Variants in SRGAP3 observed in about 807,000 individuals in gnomAD.
SRGAP3 encodes SLIT-ROBO Rho GTPase-activating protein 3.
A neutral mutation model predicts 121.1 loss-of-function variants in SRGAP3; 39 were observed. The ratio of observed to expected loss-of-function variants is 0.32; its 90% CI spans 0.25 to 0.42. The LOEUF (loss-of-function observed/expected upper bound fraction) is 0.42. SRGAP3 is among the 10% of genes least tolerant of loss of function. SRGAP3 has a pLI of 1.00. For missense variants in SRGAP3, 1,213 were observed against 1,470.6 expected (o/e 0.82, Z 2.86); for synonymous variants, 601 against 570.0 (o/e 1.05, Z -0.77).
At chr3:9,146,296 T>C (rs1186674460) in intron 1 of SRGAP3, among the ~76,000 whole-genome samples, 1 of 151,992 alleles carries the variant, frequency 6.6e-6, no homozygotes, top group Admixed American at 6.6e-5. Flanking sequence ...TGTAGTAGAG[T>C]TCACACACAG....
chr3:9,241,338 A>C (rs1444793348), intron 1 of SRGAP3, among the ~76,000 whole-genome samples: 1 of 152,218 alleles, frequency 6.6e-6, no homozygotes. Flanking sequence ...GAGTTTCTGG[A>C]AAGGAAATGT....
intron 2 of SRGAP3, among the ~76,000 whole-genome samples, chr3:9,118,562 G>A (rs1948887235): frequency 6.6e-6 from 1 of 152,192 alleles, no homozygotes; most frequent in Non-Finnish European, 1.5e-5. Context: ...CTGGTGAAGA[G>A]GAGGGAAGGC....
At chr3:9,317,030 C>T (rs754721226) in intron 3 of SRGAP3, among the ~76,000 whole-genome samples, 4 of 152,154 alleles carry the variant, frequency 2.6e-5, no homozygotes, top group Non-Finnish European at 5.9e-5. Flanking sequence ...CAAATCAAGG[C>T]TCACACCAAT....
chr3:9,039,174 G>C (rs1944907141), intron 10 of SRGAP3, among the ~76,000 whole-genome samples: 1 of 152,154 alleles, frequency 6.6e-6, no homozygotes, highest in Admixed American at 6.5e-5. Context: ...GCACCATGCT[G>C]CTCAGTTCAC....
chr3:9,179,004 T>G (rs1320607570), intron 1 of SRGAP3, among the ~76,000 whole-genome samples: 1 of 152,150 alleles, frequency 6.6e-6, no homozygotes, highest in Non-Finnish European at 1.5e-5. Flanking sequence ...TTCTCCCCCA[T>G]GTCCCCTGTT....
At chr3:9,330,777 G>C (rs1955593644) in intron 1 of SRGAP3, among the ~76,000 whole-genome samples, 1 of 152,134 alleles carries the variant, frequency 6.6e-6, no homozygotes. Flanking sequence ...TCAGAAGTGA[G>C]GTACAGAAAC....
intron 1 of SRGAP3, among the ~76,000 whole-genome samples, chr3:9,225,504 GT>G (rs966143413): frequency 6.6e-6 from 1 of 152,158 alleles, no homozygotes; most frequent in Non-Finnish European, 1.5e-5. Context: ...ACAGCTGGGG[GT>G]GTTTACTGAG....
At chr3:9,254,792 G>T (rs1035246999) in intron 3 of SRGAP3, among the ~76,000 whole-genome samples, 1 of 143,274 alleles carries the variant, frequency 7.0e-6, no homozygotes, top group Non-Finnish European at 1.5e-5. Flanking sequence ...ACAGAGCAAG[G>T]CTCTGAAAAA....
At chr3:9,240,575 T>C (rs145724759) in intron 1 of SRGAP3, among the ~76,000 whole-genome samples, 163 of 152,236 alleles carry the variant, frequency 1.1e-3, no homozygotes, top group African/African-American at 3.6e-3. Flanking sequence ...GTAATATGTA[T>C]TGATCACCAA....
At chr3:9,340,984 C>G (rs1413297732) in intron 1 of SRGAP3, among the ~76,000 whole-genome samples, 2 of 152,142 alleles carry the variant, frequency 1.3e-5, no homozygotes, top group Admixed American at 1.3e-4. Context: ...GATCAAGGAG[C>G]CAGTATGGCT....
intron 1 of SRGAP3, among the ~76,000 whole-genome samples, chr3:9,345,769 G>A (rs1305481808): frequency 8.0e-6 from 1 of 124,650 alleles, no homozygotes; most frequent in Non-Finnish European, 1.6e-5. Context: ...CTGGGTGACA[G>A]AGCAAGACTC....
chr3:9,145,218 C>T (rs1179434945), intron 1 of SRGAP3, among the ~76,000 whole-genome samples: 3 of 152,166 alleles, frequency 2.0e-5, no homozygotes, highest in African/African-American at 4.8e-5. Context: ...ACCTCAGCCT[C>T]CCAAGTAGCT....
In SRGAP3 at chr3:9,199,379, C is replaced by T. The variant is rs138086374; in HGVS notation, c.67+49506G>A. 3.1e-4 allele frequency among the ~76,000 whole-genome samples: 47 copies of T among 152,306 alleles called. No individual in the cohort carries two copies. The East Asian group carries it at 9.1e-3, about 29-fold the overall frequency. On this transcript the variant is annotated intron_variant, in intron 1 of 21. Transcript: ENST00000383836. ...TTTGTTTTCCCGTTTTTCAATCACA[C>T]CAATGTGCTAGCAACGCTGACTGAG...
chr3:9,151,263 C>T (rs954298988), intron 1 of SRGAP3, among the ~76,000 whole-genome samples: 5 of 151,898 alleles, frequency 3.3e-5, no homozygotes, highest in Admixed American at 1.3e-4. Flanking sequence ...GAAGAGCATA[C>T]GGGGGAAGGA....
At chr3:9,123,397 A>ATATATATATATATATATAT (rs764680440) in intron 2 of SRGAP3, among the ~76,000 whole-genome samples, 64 of 89,176 alleles carry the variant, frequency 7.2e-4, no homozygotes, top group African/African-American at 2.2e-3. Context: ...ATACATACAC[A>ATATATATATATATATATAT]ATACACATAC....
At chr3:9,297,661 C>T (rs183301793) in intron 3 of SRGAP3, among the ~76,000 whole-genome samples, 8 of 152,066 alleles carry the variant, frequency 5.3e-5, no homozygotes, top group Non-Finnish European at 7.4e-5. Flanking sequence ...TTTGGGAGCC[C>T]GAGGCAGATG....
intron 1 of SRGAP3, among the ~76,000 whole-genome samples, chr3:9,352,052 C>T (rs2030197731): frequency 6.6e-6 from 1 of 152,120 alleles, no homozygotes; most frequent in Non-Finnish European, 1.5e-5. Context: ...TTAAGAGAGA[C>T]TGGTGATTTG....
chr3:9,115,769 C>T (rs1360179139), intron 2 of SRGAP3, among the ~76,000 whole-genome samples: 2 of 152,174 alleles, frequency 1.3e-5, no homozygotes, highest in African/African-American at 4.8e-5. Flanking sequence ...CACACCACCA[C>T]ACTTAATATC....
chr3:9,244,413 C>T lies in SRGAP3; in HGVS notation c.67+4472G>A, dbSNP rs537266670. On this transcript the variant is annotated intron_variant, in intron 1 of 21. Coordinates refer to ENST00000383836, the MANE Select transcript of SRGAP3 (RefSeq NM_014850.4). Reference sequence around the variant, plus strand: ...TCTTCCTCAAACCTCTAGACTTTTGCTACTAAGAAGATGGATGAATATGTA... The same window carrying T: ...TCTTCCTCAAACCTCTAGACTTTTGTTACTAAGAAGATGGATGAATATGTA... Among the ~76,000 whole-genome samples the T allele has an allele frequency of 6.9e-4, 103 of 149,094 alleles. 1 individual carries two copies. The highest frequency in any genetic ancestry group is 4.6e-3 in the South Asian group (21 of 4,588).
Sources: gnomAD v4.1 joint callset for allele counts (sites outside exome capture counted in the v4.1 genomes callset) on GRCh38, gnomAD v4.1.1 for gene constraint, MANE v1.5 for transcripts, NCBI Gene and HGNC (gene_info 2026-07-23, HGNC 2026-07-21) for gene names.